The following JAKMIP2 variants were observed in gnomAD, a reference collection of about 807,000 sequenced individuals.
The protein encoded by JAKMIP2 is janus kinase and microtubule-interacting protein 2.
A neutral mutation model predicts 115.0 loss-of-function variants in JAKMIP2; 25 were observed. The ratio of observed to expected loss-of-function variants is 0.22; its 90% CI spans 0.16 to 0.30. The LOEUF is 0.30. Among genes scored for constraint, JAKMIP2 ranks in the 10% least tolerant of loss-of-function variants. The probability of loss-of-function intolerance (pLI) is 1.00; values close to 1 mark genes in which losing one functional copy is unlikely to be tolerated. For missense variants in JAKMIP2, 642 were observed against 957.6 expected, an observed-to-expected ratio of 0.67 and a Z score of 4.35; for synonymous variants, 334 against 343.6, an observed-to-expected ratio of 0.97 and a Z score of 0.31.
At position 147,720,825 on chromosome 5, in the gene JAKMIP2, A is replaced by G. The variant is rs1402916505; in HGVS notation, c.-148-48871T>C. On this transcript the variant is annotated intron_variant, in intron 1 of 21. Coordinates refer to ENST00000616793, the MANE Select transcript of JAKMIP2 (RefSeq NM_001270941.2). ...TCCCGTAGCTCAGAGTAATTTGATC[A>G]TCTGAAGCCTTCTTCTCTCAGCTCG... is the stretch of plus-strand genomic sequence containing the variant. Among the ~76,000 whole-genome samples, 97 of 151,966 alleles carry G rather than the reference A, an allele frequency of 6.4e-4. 2 individuals are homozygous for G. The South Asian group carries it at 0.018, about 29-fold the overall frequency.
At chr5:147,637,157 T>G (rs1561506478) in intron 10 of JAKMIP2, 109 bp from the exon 11 acceptor site, 2 of 718,176 alleles carry the variant, frequency 2.8e-6, no homozygotes, top group East Asian at 4.9e-5. Context: ...AGAAGAATTT[T>G]CTATGACAAA....
intron 1 of JAKMIP2, among the ~76,000 whole-genome samples, chr5:147,708,804 T>C (rs1752674604): frequency 6.6e-6 from 1 of 152,188 alleles, no homozygotes; most frequent in African/African-American, 2.4e-5. Context: ...AAGCCCTTTG[T>C]AACATTGTAG....
chr5:147,740,934 C>T (rs891913639), intron 1 of JAKMIP2, among the ~76,000 whole-genome samples: 5 of 152,082 alleles, frequency 3.3e-5, no homozygotes, highest in Non-Finnish European at 4.4e-5. Flanking sequence ...GATCATAGAT[C>T]GCTACAGCTG....
At position 147,702,650 on chromosome 5, in the gene JAKMIP2, A is replaced by AAGAGAG. The variant is rs1252634568; in HGVS notation, c.-148-30697_-148-30696insCTCTCT. ...AAAGAAAGAAAGAAAGAAAGAAAGA[A>AAGAGAG]AGAAAGAAAGAAAGAGAGAGAAAGA... On this transcript the variant is annotated intron_variant, in intron 1 of 21. Coordinates refer to ENST00000616793, the MANE Select transcript of JAKMIP2 (RefSeq NM_001270941.2). Among the ~76,000 whole-genome samples, 3 of 112,036 alleles carry AAGAGAG rather than the reference A, an allele frequency of 2.7e-5. No individual in the cohort carries two copies. In the East Asian group the frequency reaches 8.4e-4, roughly 31 times the overall value. 73.5% of individuals were successfully genotyped at this position (112,036 alleles called of 152,430 possible).
intron 20 of JAKMIP2, among the ~76,000 whole-genome samples, chr5:147,603,102 C>G (rs1027976815): frequency 6.6e-6 from 1 of 152,144 alleles, no homozygotes; most frequent in African/African-American, 2.4e-5. Flanking sequence ...TGAGGAGATG[C>G]CCATCACTTA....
chr5:147,761,322 A>G lies in JAKMIP2; in HGVS notation c.-149+21134T>C, dbSNP rs1273369798. Among the ~76,000 whole-genome samples the G allele has an allele frequency of 2.0e-5, 3 of 152,100 alleles. No homozygotes were observed. The East Asian group carries it at 5.8e-4, about 29-fold the overall frequency. ...CCTATGTGCCAAAATTGTTATAAGA[A>G]TTTTATAAATAATGTATTTAATACT... On this transcript the variant is annotated intron_variant, in intron 1 of 21. Transcript: ENST00000616793.
chr5:147,757,219 T>C (rs879766374), intron 1 of JAKMIP2, among the ~76,000 whole-genome samples: 3 of 151,970 alleles, frequency 2.0e-5, no homozygotes, highest in Non-Finnish European at 4.4e-5. Context: ...AGGATAGAGG[T>C]AGCCACTGGG....
At chr5:147,618,157 TTGATATCTGGTGTGGGAG>T (rs34116637) in intron 18 of JAKMIP2, 43 bp from the exon 19 acceptor site, 177,305 of 1,470,866 alleles carry the variant, frequency 0.12, 11,501 homozygotes, top group Admixed American at 0.21. Context: ...GAACTTGGCA[TTGATATCTGGTGTGGGAG>T]TGTATGCTAT....
intron 1 of JAKMIP2, among the ~76,000 whole-genome samples, chr5:147,730,696 C>T (rs145476791): frequency 0.11 from 17,146 of 152,088 alleles, 1,198 homozygotes; most frequent in Middle Eastern, 0.2. Context: ...CCTCATGAGC[C>T]GCCGGCCTCA....
chr5:147,643,608 G>A (rs910668743), intron 7 of JAKMIP2, among the ~76,000 whole-genome samples: 1 of 152,124 alleles, frequency 6.6e-6, no homozygotes, highest in Non-Finnish European at 1.5e-5. Context: ...TAATTATATT[G>A]TTGCTGTTCA....
intron 20 of JAKMIP2, among the ~76,000 whole-genome samples, chr5:147,610,937 G>A (rs1756286010): frequency 6.6e-6 from 1 of 152,200 alleles, no homozygotes; most frequent in East Asian, 1.9e-4. Context: ...TGGCCCTGTG[G>A]TGGGCTCCAC....
chr5:147,670,682 A>G (rs1277399400), intron 2 of JAKMIP2, among the ~76,000 whole-genome samples: 1 of 152,210 alleles, frequency 6.6e-6, no homozygotes, highest in African/African-American at 2.4e-5. Context: ...CACCTGACGT[A>G]AATTTTTTTG....
At chr5:147,721,831 T>C (rs574611121) in intron 1 of JAKMIP2, among the ~76,000 whole-genome samples, 2 of 152,100 alleles carry the variant, frequency 1.3e-5, no homozygotes, top group African/African-American at 2.4e-5. Context: ...TGCTGGGAGC[T>C]GTAGACCGGA....
chr5:147,699,712 C>G (rs1305447373), intron 1 of JAKMIP2, among the ~76,000 whole-genome samples: 1 of 152,216 alleles, frequency 6.6e-6, no homozygotes, highest in African/African-American at 2.4e-5. Flanking sequence ...ACAGATGGCT[C>G]TATCCTTACA....
intron 1 of JAKMIP2, among the ~76,000 whole-genome samples, chr5:147,741,168 T>TA (rs970740600): frequency 2.6e-5 from 4 of 152,070 alleles, no homozygotes; most frequent in African/African-American, 7.2e-5. Flanking sequence ...ACCACTTGAT[T>TA]AAAAAAATGT....
At chr5:147,601,680 T>C (rs1755708421) in intron 21 of JAKMIP2, 61 bp downstream of exon 21, 2 of 1,159,560 alleles carry the variant, frequency 1.7e-6, no homozygotes, top group Non-Finnish European at 2.4e-6. Flanking sequence ...TAACTATAGG[T>C]AACATCCTTT....
intron 21 of JAKMIP2, among the ~76,000 whole-genome samples, chr5:147,593,026 A>T (rs1014884721): frequency 6.6e-6 from 1 of 152,194 alleles, no homozygotes; most frequent in Admixed American, 6.5e-5. Flanking sequence ...AGAGGCGTAA[A>T]GATATTGATG....
At chr5:147,598,109 C>A (rs1755489657) in intron 21 of JAKMIP2, among the ~76,000 whole-genome samples, 1 of 152,056 alleles carries the variant, frequency 6.6e-6, no homozygotes, top group African/African-American at 2.4e-5. Flanking sequence ...AGCAATTCTC[C>A]TCCCTCAGCC....
chr5:147,721,167 C>G (rs1753265296), intron 1 of JAKMIP2, among the ~76,000 whole-genome samples: 1 of 151,570 alleles, frequency 6.6e-6, no homozygotes, highest in African/African-American at 2.4e-5. Context: ...GCTCGGGGGT[C>G]AGGAGTCAGG....
Sources: allele counts gnomAD v4.1 joint callset (sites outside exome capture counted in the v4.1 genomes callset), GRCh38; gene constraint gnomAD v4.1.1; transcripts MANE v1.5; gene names NCBI Gene and HGNC (gene_info 2026-07-23, HGNC 2026-07-21).